LCN8: variants seen among roughly 807,000 people sequenced by gnomAD.
LCN8 encodes lipocalin 8.
In LCN8, 16 loss-of-function variants were observed where a neutral mutation model predicts 22.8. The ratio of observed to expected loss-of-function variants is 0.70; its 90% confidence interval spans 0.47 to 1.06. The LOEUF (loss-of-function observed/expected upper bound fraction) is 1.06, where lower values mean the gene tolerates loss of function less well. LCN8 is among the 50% of genes least tolerant of loss of function. The probability of loss-of-function intolerance (pLI) is 0.00; values close to 1 mark genes in which losing one functional copy is unlikely to be tolerated. For synonymous variants in LCN8, 92 were observed against 83.4 expected (o/e 1.10, Z -0.56); for missense variants, 189 against 203.3 (o/e 0.93, Z 0.43).
chr9:136,758,114 G>C lies in LCN8; in HGVS notation c.-184C>G. 4 of 1,456,162 alleles carry C rather than the reference G, an allele frequency of 2.7e-6. No individual in the cohort carries two copies. Among genetic ancestry groups the C allele is most frequent in the Non-Finnish European group, 3.6e-6 (4 of 1,103,514 alleles). 90.2% of individuals were successfully genotyped at this position (1,456,162 alleles called of 1,614,324 possible). A position where few individuals can be genotyped will look rare whatever the true frequency, so the allele number is the denominator to read the frequency against. ...CATCAGGACAGCTTGGCTGCTGGCA[G>C]CTCAGAGACGTGGGTTTCTGCACAA... On this transcript the variant is annotated 5_prime_UTR_variant, in exon 1 of 7. Transcript: ENST00000371688.
rs1004488980 is a variant in LCN8, at chr9:136,757,475, G to T, written c.25-307C>A. The T allele has an allele frequency of 1.5e-5, 20 of 1,352,274 alleles. No homozygotes were observed. In the South Asian group the frequency reaches 1.7e-4, roughly 11 times the overall value. 83.8% of individuals were successfully genotyped at this position (1,352,274 alleles called of 1,614,324 possible). ...TCGGGAGGAACCACAGGCCCTGCCT[G>T]ACCTCGGAGGCAGGACCCAGGAGCA... On this transcript the variant is annotated intron_variant, in intron 1 of 6. Coordinates refer to ENST00000371688, the MANE Select transcript of LCN8 (RefSeq NM_178469.4).
At chr9:136,755,801 A>ACCCTG (rs376263667) in intron 3 of LCN8, 2 of 1,449,110 alleles carry the variant, frequency 1.4e-6, no homozygotes, top group East Asian at 3.0e-5. Flanking sequence ...AGTGCAGGGA[A>ACCCTG]CAGCATGGGG....
At position 136,758,080 on chromosome 9, in the gene LCN8, C is replaced by A. The variant is rs766302053; in HGVS notation, c.-150G>T. The stretch of plus-strand genomic sequence containing the variant: ...GACAGTGCAGGCTTGTGCGCCCACC[C>A]GGGAATGTCATCAGGACAGCTTGGC... On this transcript the variant is annotated 5_prime_UTR_variant, in exon 1 of 7. Transcript: ENST00000371688. 9 of 1,488,384 alleles carry A rather than the reference C, an allele frequency of 6.0e-6. No individual in the cohort carries two copies. The highest frequency in any genetic ancestry group is 2.5e-5 in the South Asian group (2 of 78,784). 92.2% of individuals were successfully genotyped at this position (1,488,384 alleles called of 1,614,324 possible).
At chr9:136,757,325 T>C (rs1847232604) in intron 1 of LCN8, 157 bp from the exon 2 acceptor site, 2 of 1,456,052 alleles carry the variant, frequency 1.4e-6, no homozygotes, top group Non-Finnish European at 1.8e-6. Context: ...GTGAGCCCAC[T>C]GTCCCCAGGC....
At position 136,756,564 on chromosome 9, in the gene LCN8, C is replaced by T. The variant is rs1847209823; in HGVS notation, c.184G>A (p.Val62Met). The T allele has an allele frequency of 3.1e-6, 5 of 1,613,866 alleles. No homozygotes were observed. The highest frequency in any genetic ancestry group is 1.3e-5 in the African/African-American group (1 of 74,932). Reference protein sequence around the residue: ...SSGSCEIEKIVGSEIDSTGKF... With the variant: ...SSGSCEIEKIMGSEIDSTGKF... ...CCCGTACTGTCTATTTCTGAGCCCACGATCTTCTCTATCTCACAGCTTCCT... is the reference window on the plus strand; with the variant it reads ...CCCGTACTGTCTATTTCTGAGCCCATGATCTTCTCTATCTCACAGCTTCCT... The change falls in exon 3 of 7, where the codon GTG becomes ATG. Residue 62 changes from valine (V) to methionine (M), a missense_variant. Physicochemically the swap from Val to Met is conservative, Grantham distance 21. Transcript: ENST00000371688.
intron 6 of LCN8, chr9:136,754,840 G>A (rs1847144802): frequency 5.9e-6 from 8 of 1,348,182 alleles, no homozygotes; most frequent in East Asian, 5.6e-5. Flanking sequence ...AAGAAAAGGC[G>A]CCATTTCTGC....
At chr9:136,754,818 C>A in intron 6 of LCN8, 1 of 1,379,296 alleles carries the variant, frequency 7.3e-7, no homozygotes. Flanking sequence ...GGCAGTCCTG[C>A]ACAGAACACC....
chr9:136,757,591 A>G (rs1235720308), intron 1 of LCN8: 23 of 1,396,260 alleles, frequency 1.6e-5, no homozygotes, highest in Non-Finnish European at 2.1e-5. Flanking sequence ...CAGCCTGCCA[A>G]CCACGCCAGA....
chr9:136,755,474 T>A lies in LCN8; in HGVS notation c.269A>T (p.Tyr90Phe), dbSNP rs1588306949. ...IHVLDTDYEG[Y>F]AILRVSLMWR... ...CATCAGGGACACCCGCAGGATGGCG[T>A]AGCCCTCGTAGTCGGTGTCCAGCAC... Residue 90 changes from tyrosine to phenylalanine, a missense_variant, in exon 4 of 7, where the codon TAC becomes TTC. Coordinates refer to ENST00000371688, the MANE Select transcript of LCN8 (RefSeq NM_178469.4). The A allele has an allele frequency of 3.7e-6, 6 of 1,613,192 alleles. No individual in the cohort carries two copies. The highest frequency in any genetic ancestry group is 5.1e-6 in the Non-Finnish European group (6 of 1,179,994).
At position 136,755,409 on chromosome 9, in the gene LCN8, T is replaced by C; in HGVS notation, c.331+3A>G. On this transcript the variant is annotated splice_donor_region_variant and intron_variant, in intron 4 of 6. Coordinates refer to ENST00000371688, the MANE Select transcript of LCN8 (RefSeq NM_178469.4). The stretch of plus-strand genomic sequence containing the variant: ...GGGCAGAGCCCCCCAGGGCCAAGCT[T>C]ACTAAAGTACTTGAGGACGCGAAAG... The C allele has an allele frequency of 6.2e-7, 1 of 1,611,574 alleles. No individual in the cohort carries two copies. Among genetic ancestry groups the C allele is most frequent in the African/African-American group, 1.3e-5 (1 of 75,040 alleles).
chr9:136,756,553 TTC>T lies in LCN8; in HGVS notation c.193_194del (p.Glu65AsnfsTer50). ...AAGCGAATTTTCCCGTACTGTCTAT[TTC>T]TGAGCCCACGATCTTCTCTATCTCA... ...SCEIEKIVGS[E>X]IDSTGKFAFP... On this transcript the variant is annotated frameshift_variant, in exon 3 of 7. Coordinates refer to ENST00000371688, the MANE Select transcript of LCN8 (RefSeq NM_178469.4). LOFTEE classifies it high-confidence loss of function. 6.2e-7 allele frequency: 1 copy of T among 1,614,074 alleles called. No homozygotes were observed. Among genetic ancestry groups the T allele is most frequent in the Non-Finnish European group, 8.5e-7 (1 of 1,180,018 alleles).
chr9:136,758,140 G>A lies in LCN8; in HGVS notation c.-210C>T. On this transcript the variant is annotated 5_prime_UTR_variant, in exon 1 of 7. Transcript: ENST00000371688. ...CTCAGAGACGTGGGTTTCTGCACAA[G>A]CGCCATCGGCCCTGGTGACACCCAC... The A allele has an allele frequency of 1.4e-6, 2 of 1,445,494 alleles. No individual in the cohort carries two copies. Among genetic ancestry groups the A allele is most frequent in the Middle Eastern group, 2.5e-4 (1 of 3,936 alleles). 89.5% of individuals were successfully genotyped at this position (1,445,494 alleles called of 1,614,324 possible). A position where few individuals can be genotyped will look rare whatever the true frequency, so the allele number is the denominator to read the frequency against.
chr9:136,754,884 C>T (rs1172820118), intron 6 of LCN8: 1 of 1,363,408 alleles, frequency 7.3e-7, no homozygotes, highest in East Asian at 2.7e-5. Flanking sequence ...ACCCCGTGAC[C>T]CCAGCCTCCC....
chr9:136,755,592 A>G, intron 3 of LCN8, 76 bp from the exon 4 acceptor site: 1 of 1,545,216 alleles, frequency 6.5e-7, no homozygotes, highest in Non-Finnish European at 8.7e-7. Flanking sequence ...TGCAGGGTCT[A>G]ACTCCATCCT....
Position 136,755,052 on chromosome 9 carries a change from C to A in LCN8, c.447+83G>T, listed in dbSNP as rs1362683402. 1.9e-5 allele frequency: 27 copies of A among 1,446,948 alleles called. No individual in the cohort carries two copies. In the South Asian group the frequency reaches 3.7e-4, roughly 20 times the overall value. 89.6% of individuals were successfully genotyped at this position (1,446,948 alleles called of 1,614,324 possible). A position where few individuals can be genotyped will look rare whatever the true frequency, so the allele number is the denominator to read the frequency against. ...CCCAGCCCAGGGCCGGGAGGCGGAG[C>A]CACGGGGGCTCCTGACAGGGCCAGG... On this transcript the variant is annotated intron_variant, in intron 6 of 6. Coordinates refer to ENST00000371688, the MANE Select transcript of LCN8 (RefSeq NM_178469.4).
In LCN8 at chr9:136,758,089, C is replaced by A; in HGVS notation, c.-159G>T. ...GGCTTGTGCGCCCACCCGGGAATGT[C>A]ATCAGGACAGCTTGGCTGCTGGCAG... On this transcript the variant is annotated 5_prime_UTR_variant, in exon 1 of 7. It removes an upstream start codon present in the reference 5' UTR. Transcript: ENST00000371688. The A allele has an allele frequency of 6.8e-7, 1 of 1,480,616 alleles. No homozygotes were observed. The highest frequency in any genetic ancestry group is 9.0e-7 in the Non-Finnish European group (1 of 1,113,250). The allele number at this position is 1,480,616 out of a possible 1,614,324, so 91.7% of individuals were successfully genotyped here. A position where few individuals can be genotyped will look rare whatever the true frequency, so the allele number is the denominator to read the frequency against.
In LCN8 at chr9:136,757,907, C is replaced by T. The variant is rs1847248769; in HGVS notation, c.24G>A (p.Lys8=). The T allele has an allele frequency of 1.2e-6, 2 of 1,613,772 alleles. No homozygotes were observed. The highest frequency in any genetic ancestry group is 4.5e-5 in the East Asian group (2 of 44,880). Residue 8 remains lysine (K), a splice_region_variant and synonymous_variant, in exon 1 of 7, where the codon AAG becomes AAA. Transcript: ENST00000371688. MEELDRQ[K]IGGFWREVGV... is the part of the protein sequence containing the mutation. ...CCACCAACTAAGAAGGAGAAGCCAC[C>T]TTCTGCCGGTCCAGCTCCTCCATGG... is the stretch of plus-strand genomic sequence containing the variant.
In LCN8 at chr9:136,758,076, C is replaced by T; in HGVS notation, c.-146G>A. On this transcript the variant is annotated 5_prime_UTR_variant, in exon 1 of 7. It introduces an in-frame stop codon into an upstream open reading frame of the 5' UTR. Coordinates refer to ENST00000371688, the MANE Select transcript of LCN8 (RefSeq NM_178469.4). Reference sequence around the variant, plus strand: ...TACGGACAGTGCAGGCTTGTGCGCCCACCCGGGAATGTCATCAGGACAGCT... The same window carrying T: ...TACGGACAGTGCAGGCTTGTGCGCCTACCCGGGAATGTCATCAGGACAGCT... 6.7e-7 allele frequency: 1 copy of T among 1,492,326 alleles called. No homozygotes were observed. The highest frequency in any genetic ancestry group is 8.9e-7 in the Non-Finnish European group (1 of 1,117,688). The allele number at this position is 1,492,326 out of a possible 1,614,324, so 92.4% of individuals were successfully genotyped here.
chr9:136,758,006 G>GTCCGGGC lies in LCN8; in HGVS notation c.-83_-77dup, dbSNP rs549940513. On this transcript the variant is annotated 5_prime_UTR_variant, in exon 1 of 7. Transcript: ENST00000371688. ...ACGGCAGCCTGGCCTCCGTGGCGGGGTCCGGGCTCCGGGTTCCCCTGCTGC... is the reference window on the plus strand; with the variant it reads ...ACGGCAGCCTGGCCTCCGTGGCGGGGTCCGGGCTCCGGGCTCCGGGTTCCCCTGCTGC... 6,410 of 1,588,308 alleles carry GTCCGGGC rather than the reference G, an allele frequency of 4.0e-3. 14 individuals carry two copies. The highest frequency in any genetic ancestry group is 5.1e-3 in the Non-Finnish European group (5,949 of 1,169,158).
Sources: gnomAD v4.1 joint callset for allele counts on GRCh38, gnomAD v4.1.1 for gene constraint, MANE v1.5 for transcripts, NCBI Gene and HGNC (gene_info 2026-07-23, HGNC 2026-07-21) for gene names.